Variants in MX1 observed in about 807,000 individuals in gnomAD.
MX1 encodes MX dynamin like GTPase 1, also known as interferon-induced GTP-binding protein Mx1.
In MX1, 66 loss-of-function variants were observed where a neutral mutation model predicts 66.4. The observed-to-expected ratio is 0.99, with a 90% CI of 0.82 to 1.22. MX1 has a LOEUF of 1.22. MX1 is among the 50% of genes most tolerant of loss of function. MX1 has a pLI of 0.00. For missense variants in MX1, 787 were observed against 834.3 expected (o/e 0.94, Z 0.70); for synonymous variants, 311 against 318.1 (o/e 0.98, Z 0.24).
chr21:41,449,842 CTCA>C (rs1379952592), intron 14 of MX1: 1 of 152,186 alleles, frequency 6.6e-6, no homozygotes, highest in African/African-American at 2.4e-5. Context: ...TTATGGAGGC[CTCA>C]TCATGAAGGC....
chr21:41,435,770 A>G, intron 5 of MX1, 67 bp from the exon 6 acceptor site: 8 of 1,537,204 alleles, frequency 5.2e-6, no homozygotes, highest in Non-Finnish European at 6.2e-6. Context: ...GTAGGGACAC[A>G]GAACCAAACC....
At chr21:41,451,822 G>A (rs1408081587) in intron 15 of MX1, among the ~76,000 whole-genome samples, 4 of 139,234 alleles carry the variant, frequency 2.9e-5, no homozygotes, top group Admixed American at 7.2e-5. Context: ...GCGATGGAGC[G>A]AGACCCCGTC....
chr21:41,458,992 C>T lies in MX1; in HGVS notation c.*234C>T, dbSNP rs918512295. ...TGGCGGGATTGAAGGATGCTGTCTTCGTACTGGGAAAGGGATTTTCAGCCC... is the reference window on the plus strand; with the variant it reads ...TGGCGGGATTGAAGGATGCTGTCTTTGTACTGGGAAAGGGATTTTCAGCCC... On this transcript the variant is annotated 3_prime_UTR_variant, in exon 17 of 17. Coordinates refer to ENST00000398598, the MANE Select transcript of MX1 (RefSeq NM_002462.5). 2.9e-6 allele frequency: 2 copies of T among 686,160 alleles called. No homozygotes were observed. The highest frequency in any genetic ancestry group is 2.8e-5 in the East Asian group (1 of 35,682). 42.5% of individuals were successfully genotyped at this position (686,160 alleles called of 1,614,324 possible).
intron 3 of MX1, chr21:41,428,514 GC>G (rs1416203274): frequency 6.6e-6 from 1 of 152,240 alleles, no homozygotes; most frequent in Non-Finnish European, 1.5e-5. Flanking sequence ...CTCGTCCTCG[GC>G]TGCCCAGCTG....
rs1480376887 is a variant in MX1, at chr21:41,441,101, C to CGCCTGTGCTCGGTG, written c.730+76_730+77insGCCTGTGCTCGGTG. On this transcript the variant is annotated intron_variant, in intron 9 of 16. Transcript: ENST00000398598. This position sits in a 1 kb window ranked among gnomAD's most constrained non-coding sequence, Gnocchi z 4.0. ...TGTGCTCGGTGAGAATGGGGGAGCCCACCTGTGCTCGGTGAGAATGGGGGA... is the reference window on the plus strand; with the variant it reads ...TGTGCTCGGTGAGAATGGGGGAGCCCGCCTGTGCTCGGTGACCTGTGCTCGGTGAGAATGGGGGA... The CGCCTGTGCTCGGTG allele has an allele frequency of 4.8e-5, 61 of 1,270,816 alleles. 8 individuals carry two copies. The highest frequency in any genetic ancestry group is 4.5e-4 in the African/African-American group (29 of 64,352). The allele number at this position is 1,270,816 out of a possible 1,614,324, so 78.7% of individuals were successfully genotyped here. A position where few individuals can be genotyped will look rare whatever the true frequency, so the allele number is the denominator to read the frequency against.
At chr21:41,431,496 G>A (rs1251142451) in intron 4 of MX1, among the ~76,000 whole-genome samples, 2 of 118,282 alleles carry the variant, frequency 1.7e-5, no homozygotes, top group Non-Finnish European at 3.4e-5. Context: ...TTTTTTTTGA[G>A]ACAGAGTCTT....
At chr21:41,430,047 T>C (rs1321378368) in intron 3 of MX1, 2 of 152,210 alleles carry the variant, frequency 1.3e-5, no homozygotes, top group Non-Finnish European at 2.9e-5. Context: ...ACGTGTTCTT[T>C]AGCCAAGGCA....
At chr21:41,443,604 AT>A (rs2146249058) in intron 10 of MX1, 183 bp from the exon 11 acceptor site, 3 of 633,046 alleles carry the variant, frequency 4.7e-6, no homozygotes, top group Admixed American at 2.7e-5. Flanking sequence ...AATATCCTAG[AT>A]TGCTAAAATT....
intron 16 of MX1, among the ~76,000 whole-genome samples, chr21:41,457,156 G>A (rs574680368): frequency 6.6e-6 from 1 of 152,288 alleles, no homozygotes; most frequent in Admixed American, 6.5e-5. Flanking sequence ...ACATCTTTTT[G>A]TGTGTTGAGG....
chr21:41,425,571 G>A (rs1300937427), upstream of MX1, among the ~76,000 whole-genome samples: 1 of 152,180 alleles, frequency 6.6e-6, no homozygotes, highest in East Asian at 1.9e-4. Context: ...CGATGGCCTG[G>A]CCTGACAACT....
chr21:41,442,464 A>C (rs1383006825), intron 10 of MX1, among the ~76,000 whole-genome samples: 1 of 152,242 alleles, frequency 6.6e-6, no homozygotes, highest in African/African-American at 2.4e-5. Flanking sequence ...GCATCTCAGA[A>C]GAAAGGTAGG....
upstream of MX1, chr21:41,421,864 C>G (rs459482): frequency 0.45 from 68,171 of 152,274 alleles, 15,341 homozygotes; most frequent in East Asian, 0.58. Context: ...GGGCCTGGAG[C>G]AGGACAGGTT....
intron 16 of MX1, among the ~76,000 whole-genome samples, chr21:41,453,093 G>T (rs1218101430): frequency 6.6e-6 from 1 of 152,172 alleles, no homozygotes; most frequent in Non-Finnish European, 1.5e-5. Flanking sequence ...AGTTCCACAT[G>T]GCTGGGGAGG....
At chr21:41,424,504 G>A (rs2090026797), upstream of MX1, among the ~76,000 whole-genome samples, 1 of 152,174 alleles carries the variant, frequency 6.6e-6, no homozygotes, top group Non-Finnish European at 1.5e-5. Flanking sequence ...CAGGTTCTGG[G>A]CCTTGAGGTT....
intron 14 of MX1, among the ~76,000 whole-genome samples, chr21:41,450,494 C>T (rs1489316613): frequency 6.6e-6 from 1 of 152,098 alleles, no homozygotes; most frequent in Non-Finnish European, 1.5e-5. Context: ...TAAAATTGAC[C>T]TTTTAGCCCT....
intron 16 of MX1, among the ~76,000 whole-genome samples, chr21:41,457,378 G>A (rs1329510182): frequency 1.3e-5 from 2 of 152,210 alleles, no homozygotes; most frequent in Non-Finnish European, 2.9e-5. Flanking sequence ...ACTTTAAAAG[G>A]ACTTTGTCTC....
chr21:41,441,356 G>A lies in MX1; in HGVS notation c.730+331G>A. The A allele has an allele frequency of 2.3e-6, 1 of 433,324 alleles. No homozygotes were observed. Among genetic ancestry groups the A allele is most frequent in the South Asian group, 2.7e-5 (1 of 36,718 alleles). The allele number at this position is 433,324 out of a possible 1,614,324, so 26.8% of individuals were successfully genotyped here. On this transcript the variant is annotated intron_variant, in intron 9 of 16. Transcript: ENST00000398598. This position sits in a 1 kb window ranked among gnomAD's most constrained non-coding sequence, Gnocchi z 4.0. ...TTATCTACTTGCTCAGAAAGGCACA[G>A]TGGGCTCGGAAGCAGGTCAAACTCA...
At chr21:41,439,632 C>T in intron 7 of MX1, 62 bp from the exon 8 acceptor site, 1 of 1,499,156 alleles carries the variant, frequency 6.7e-7, no homozygotes, top group Non-Finnish European at 9.2e-7. Flanking sequence ...GAGTATTCAC[C>T]ATCATGAGAT....
At chr21:41,447,595 A>G (rs1442890421) in intron 13 of MX1, among the ~76,000 whole-genome samples, 1 of 152,210 alleles carries the variant, frequency 6.6e-6, no homozygotes, top group Non-Finnish European at 1.5e-5. Flanking sequence ...GGCAGAAAGC[A>G]GAATAGTGGC....
Sources: allele counts gnomAD v4.1 joint callset (sites outside exome capture counted in the v4.1 genomes callset), GRCh38; gene constraint gnomAD v4.1.1; non-coding constraint Gnocchi (gnomAD v3.1); transcripts MANE v1.5; gene names NCBI Gene and HGNC (gene_info 2026-07-23, HGNC 2026-07-21).